Variants in ROBO2 observed in about 807,000 individuals in gnomAD.
ROBO2 encodes the protein roundabout guidance receptor 2.
A neutral mutation model predicts 160.8 loss-of-function variants in ROBO2; 53 were observed. That is an observed-to-expected ratio of 0.33 (90% CI 0.26 to 0.41). The LOEUF is 0.41. Ranked by LOEUF, ROBO2 falls within the 10% of genes least tolerant of loss-of-function variation. The pLI, the probability that ROBO2 is intolerant of heterozygous loss-of-function variation, is 1.00. For synonymous variants in ROBO2, 664 were observed against 611.7 expected (o/e 1.09, Z -1.26); for missense variants, 1,577 against 1,722.4 (o/e 0.92, Z 1.49).
chr3:77,218,344 C>T (rs1023961817), intron 2 of ROBO2, among the ~76,000 whole-genome samples: 13 of 151,278 alleles, frequency 8.6e-5, no homozygotes, highest in African/African-American at 1.2e-4. Context: ...TGTTTAATTC[C>T]TACCATCCTT....
chr3:76,111,261 A>G (rs2070216620), intron 2 of ROBO2, among the ~76,000 whole-genome samples: 1 of 152,012 alleles, frequency 6.6e-6, no homozygotes, highest in Non-Finnish European at 1.5e-5. Context: ...CAGAGATTAG[A>G]GTGGTGCAGC....
chr3:77,115,347 C>T (rs1221482117), intron 2 of ROBO2, among the ~76,000 whole-genome samples: 4 of 152,108 alleles, frequency 2.6e-5, no homozygotes, highest in African/African-American at 9.7e-5. Flanking sequence ...AAATAGGAGT[C>T]ATCTAAATTG....
intron 2 of ROBO2, among the ~76,000 whole-genome samples, chr3:76,829,478 TA>T (rs200423459): frequency 5.3e-5 from 8 of 150,522 alleles, no homozygotes; most frequent in African/African-American, 7.3e-5. Flanking sequence ...GAAAGTATAA[TA>T]AAAAAAAAGA....
At chr3:77,140,901 A>G (rs984133598) in intron 2 of ROBO2, among the ~76,000 whole-genome samples, 6 of 152,204 alleles carry the variant, frequency 3.9e-5, no homozygotes, top group African/African-American at 7.2e-5. Flanking sequence ...CCTCCTATAC[A>G]GTAAATCATT....
intron 2 of ROBO2, among the ~76,000 whole-genome samples, chr3:76,263,870 C>A (rs745935573): frequency 3.3e-5 from 5 of 152,064 alleles, no homozygotes; most frequent in Non-Finnish European, 7.4e-5. Context: ...ACATACACAC[C>A]ATGGAATACT....
intron 2 of ROBO2, among the ~76,000 whole-genome samples, chr3:76,026,310 C>T (rs921901445): frequency 6.6e-6 from 1 of 151,862 alleles, no homozygotes; most frequent in Admixed American, 6.6e-5. Flanking sequence ...ATATAAGGCA[C>T]TGAATGCACC....
rs557729185 is a variant in ROBO2, at chr3:76,957,195, A to G, written c.110-140819A>G. Among the ~76,000 whole-genome samples the G allele has an allele frequency of 1.4e-3, 215 of 152,098 alleles. 1 individual carries two copies. Among genetic ancestry groups the G allele is most frequent in the Non-Finnish European group, 2.6e-3 (175 of 67,960 alleles). ...TTATTTCTACTAGATAAATGGCTGA[A>G]TCGTTTATCTGTACTGTGGTTTTGA... On this transcript the variant is annotated intron_variant, in intron 2 of 26. Coordinates refer to the ROBO2 transcript ENST00000487694.
Position 77,353,070 on chromosome 3 carries a change from T to G in ROBO2, c.389-124344T>G, listed in dbSNP as rs144555983. Among the ~76,000 whole-genome samples, 5 of 152,348 alleles carry G rather than the reference T, an allele frequency of 3.3e-5. No individual in the cohort carries two copies. In the East Asian group the frequency reaches 9.6e-4, roughly 29 times the overall value. ...TCTTTTAAATTCTATGATGAAGGAA[T>G]AAATTCTTAATGGCTTAAACTTTTT... is the stretch of plus-strand genomic sequence containing the variant. On this transcript the variant is annotated intron_variant, in intron 2 of 25. Transcript: ENST00000461745.
At chr3:77,059,619 G>A (rs985994705) in intron 1 of ROBO2, among the ~76,000 whole-genome samples, 30 of 152,242 alleles carry the variant, frequency 2.0e-4, no homozygotes, top group Non-Finnish European at 4.3e-4. Flanking sequence ...ATTTATTGAT[G>A]TGGGAATTTA....
intron 2 of ROBO2, among the ~76,000 whole-genome samples, chr3:76,040,728 C>T (rs556144979): frequency 1.3e-5 from 2 of 152,176 alleles, no homozygotes; most frequent in African/African-American, 4.8e-5. Context: ...GGGCTCATGC[C>T]TGTAATCCCA....
At chr3:75,936,952 GT>G (rs1947810085) in intron 1 of ROBO2, among the ~76,000 whole-genome samples, 1 of 152,046 alleles carries the variant, frequency 6.6e-6, no homozygotes, top group African/African-American at 2.4e-5. Flanking sequence ...AATAAGATTA[GT>G]TTTTGCACAT....
At chr3:76,880,120 T>G (rs2073181892) in intron 2 of ROBO2, among the ~76,000 whole-genome samples, 1 of 152,188 alleles carries the variant, frequency 6.6e-6, no homozygotes, top group Admixed American at 6.5e-5. Context: ...TTTTTAATGA[T>G]TAGGTCACAT....
chr3:75,977,565 C>G (rs2065164726), intron 2 of ROBO2, among the ~76,000 whole-genome samples: 1 of 151,346 alleles, frequency 6.6e-6, no homozygotes, highest in African/African-American at 2.4e-5. Context: ...TAGTTAGAAC[C>G]ATTATTTGGG....
At chr3:77,027,081 G>C (rs1265568573) in intron 2 of ROBO2, among the ~76,000 whole-genome samples, 1 of 152,200 alleles carries the variant, frequency 6.6e-6, no homozygotes, top group Non-Finnish European at 1.5e-5. Context: ...GAAAAGTCAT[G>C]TAGCTTGAGC....
At chr3:77,580,327 A>G (rs1440928846) in intron 16 of ROBO2, among the ~76,000 whole-genome samples, 2 of 152,192 alleles carry the variant, frequency 1.3e-5, no homozygotes, top group South Asian at 4.1e-4. Context: ...AGCCTTATTA[A>G]AATTGCAATA....
intron 2 of ROBO2, among the ~76,000 whole-genome samples, chr3:76,496,372 C>T (rs1370973896): frequency 6.6e-6 from 1 of 152,204 alleles, no homozygotes; most frequent in African/African-American, 2.4e-5. Context: ...CTAGGGGGTA[C>T]CTTCACAATG....
rs150800251 is a variant in ROBO2 at position 77,618,577 on chromosome 3, A to G, written c.3554+804A>G. Among the ~76,000 whole-genome samples the G allele has an allele frequency of 3.2e-3, 483 of 152,100 alleles. 1 individual carries two copies. The highest frequency in any genetic ancestry group is 0.011 in the African/African-American group (464 of 41,498). On this transcript the variant is annotated intron_variant, in intron 22 of 25. Coordinates refer to ENST00000461745, the Ensembl canonical transcript of ROBO2. ...TACTCCAATTTTCTTCTGTTGATTT[A>G]CCCTTTGTGCTTGAAGTCTGAGTAA...
rs189053537 is a variant in ROBO2, at chr3:76,678,367, T to A, written c.110-419647T>A. ...GGTGTAGTTTATTCTGAGTCCTTTT[T>A]ATAATGAACTTGGTGTTAATGGATT... On this transcript the variant is annotated intron_variant, in intron 2 of 26. Transcript: ENST00000487694. 2.3e-3 allele frequency among the ~76,000 whole-genome samples: 351 copies of A among 152,264 alleles called. 1 individual carries two copies. The highest frequency in any genetic ancestry group is 8.0e-3 in the African/African-American group (334 of 41,550).
At chr3:77,541,125 TC>T in intron 6 of ROBO2, among the ~76,000 whole-genome samples, 1 of 152,290 alleles carries the variant, frequency 6.6e-6, no homozygotes, top group African/African-American at 2.4e-5. Flanking sequence ...TAAAATTATA[TC>T]CAAAGAAAAA....
Sources: allele counts gnomAD v4.1 joint callset (sites outside exome capture counted in the v4.1 genomes callset), GRCh38; gene constraint gnomAD v4.1.1; transcripts MANE v1.5; gene names NCBI Gene and HGNC (gene_info 2026-07-23, HGNC 2026-07-21).